MYO3B: variants seen among roughly 807,000 people sequenced by gnomAD.
MYO3B encodes the protein myosin IIIB.
MYO3B carries 156 observed loss-of-function variants against 174.6 expected under a neutral mutation model. That is an observed-to-expected ratio of 0.89 (90% CI 0.78 to 1.02). The LOEUF (loss-of-function observed/expected upper bound fraction) is 1.02. Ranked by LOEUF, MYO3B falls within the 50% of genes least tolerant of loss-of-function variation. The pLI, the probability that MYO3B is intolerant of heterozygous loss-of-function variation, is 0.00. For missense variants in MYO3B, 1,632 were observed against 1,639.4 expected, an observed-to-expected ratio of 1.00 and a Z score of 0.08; for synonymous variants, 563 against 569.1, an observed-to-expected ratio of 0.99 and a Z score of 0.15.
chr2:170,483,949 T>C (rs1225190257), intron 25 of MYO3B, among the ~76,000 whole-genome samples: 2 of 152,186 alleles, frequency 1.3e-5, no homozygotes, highest in East Asian at 1.9e-4. Flanking sequence ...AGCTGAGCAG[T>C]TGTCCTCTTA....
At chr2:170,357,419 C>T (rs1222343958) in intron 8 of MYO3B, among the ~76,000 whole-genome samples, 1 of 148,396 alleles carries the variant, frequency 6.7e-6, no homozygotes, top group South Asian at 2.1e-4. Context: ...TAACTGACTA[C>T]ATTTTATCTT....
Position 170,369,276 on chromosome 2 carries a change from C to G in MYO3B, c.870C>G (p.His290Gln). The G allele has an allele frequency of 6.2e-7, 1 of 1,613,602 alleles. No individual in the cohort carries two copies. The highest frequency in any genetic ancestry group is 8.5e-7 in the Non-Finnish European group (1 of 1,179,692). ...RRPSVTHLLD[H>Q]PFIKGVHGKV... ...CTTCCGTCACACATCTCCTTGACCACCCATTTATTAAAGGAGTACATGGAA... is the reference window on the plus strand; with the variant it reads ...CTTCCGTCACACATCTCCTTGACCAGCCATTTATTAAAGGAGTACATGGAA... Residue 290 changes from histidine to glutamine, a missense_variant, in exon 9 of 35, where the codon CAC becomes CAG. Physicochemically the swap from His to Gln is conservative, Grantham distance 24 (BLOSUM62 0). Coordinates refer to ENST00000408978, the MANE Select transcript of MYO3B (RefSeq NM_138995.5).
chr2:170,196,325 G>A (rs1305624813), intron 1 of MYO3B, among the ~76,000 whole-genome samples: 2 of 152,096 alleles, frequency 1.3e-5, no homozygotes, highest in African/African-American at 2.4e-5. Context: ...TGGGCAACAC[G>A]GCAAGACCCT....
chr2:170,306,583 G>A (rs773188245), intron 7 of MYO3B, among the ~76,000 whole-genome samples: 6 of 152,178 alleles, frequency 3.9e-5, no homozygotes, highest in South Asian at 4.1e-4. Flanking sequence ...TTGACTGACC[G>A]TTAGTCTGAC....
At chr2:170,397,915 T>C (rs539174586) in intron 16 of MYO3B, among the ~76,000 whole-genome samples, 1 of 152,312 alleles carries the variant, frequency 6.6e-6, no homozygotes, top group East Asian at 1.9e-4. Context: ...TTACCATTAC[T>C]GTTTTATTAT....
intron 32 of MYO3B, among the ~76,000 whole-genome samples, chr2:170,606,316 A>G (rs768035453): frequency 2.6e-5 from 4 of 151,984 alleles, no homozygotes; most frequent in Non-Finnish European, 5.9e-5. Context: ...TCCTCACTAC[A>G]TTCTAGCTAC....
chr2:170,274,510 G>A (rs997714894), intron 7 of MYO3B, among the ~76,000 whole-genome samples: 2 of 152,104 alleles, frequency 1.3e-5, no homozygotes, highest in African/African-American at 2.4e-5. Context: ...GGTAAATATT[G>A]GATGAGTGAA....
intron 14 of MYO3B, 47 bp from the exon 15 acceptor site, chr2:170,391,473 A>T (rs752088214): frequency 1.3e-5 from 12 of 910,528 alleles, no homozygotes; most frequent in Non-Finnish European, 2.0e-5. Flanking sequence ...AATACTTGGG[A>T]TGGGGAAGCC....
intron 22 of MYO3B, among the ~76,000 whole-genome samples, chr2:170,417,300 A>T (rs1031810178): frequency 1.3e-5 from 2 of 152,070 alleles, no homozygotes; most frequent in African/African-American, 4.8e-5. Context: ...CCCCCACTCC[A>T]TGCTAGCCTG....
At chr2:170,320,093 G>A (rs2093813391) in intron 7 of MYO3B, among the ~76,000 whole-genome samples, 1 of 152,158 alleles carries the variant, frequency 6.6e-6, no homozygotes, top group Non-Finnish European at 1.5e-5. Context: ...CACAGGAAAC[G>A]GCATAGATGT....
At chr2:170,290,134 T>C (rs531536957) in intron 7 of MYO3B, among the ~76,000 whole-genome samples, 6 of 152,242 alleles carry the variant, frequency 3.9e-5, no homozygotes, top group African/African-American at 1.4e-4. Flanking sequence ...CTGTGATTCA[T>C]TCTGGAAAAT....
rs149796548 is a variant in MYO3B, at chr2:170,459,929, G to C, written c.2731-3439G>C. The stretch of plus-strand genomic sequence containing the variant: ...GGCCAGCCGCTTCCAGTGCAGGGCC[G>C]ACTGAGCCTGCCCCCACCCGGAACT... On this transcript the variant is annotated intron_variant, in intron 23 of 34. Coordinates refer to ENST00000408978, the MANE Select transcript of MYO3B (RefSeq NM_138995.5). 4.2e-3 allele frequency among the ~76,000 whole-genome samples: 645 copies of C among 152,176 alleles called. 4 individuals carry two copies. The highest frequency in any genetic ancestry group is 0.015 in the African/African-American group (630 of 41,510).
At chr2:170,546,766 A>G (rs901826716) in intron 32 of MYO3B, among the ~76,000 whole-genome samples, 1 of 152,204 alleles carries the variant, frequency 6.6e-6, no homozygotes, top group Non-Finnish European at 1.5e-5. Flanking sequence ...TAAATGACCC[A>G]TTATTTTAAC....
rs112072995 is a variant in MYO3B at position 170,266,691 on chromosome 2, C to T, written c.749+30555C>T. On this transcript the variant is annotated intron_variant, in intron 7 of 34. Coordinates refer to ENST00000408978, the MANE Select transcript of MYO3B (RefSeq NM_138995.5). ...TAGTGAGTTCATACCTCTTAGTTCA[C>T]GACAGATTCTCATCTGTGGGGTCAA... Among the ~76,000 whole-genome samples, 388 of 152,280 alleles carry T rather than the reference C, an allele frequency of 2.5e-3. 1 individual carries two copies. Among genetic ancestry groups the T allele is most frequent in the African/African-American group, 8.0e-3 (333 of 41,548 alleles).
chr2:170,425,798 T>G (rs1257694575), intron 22 of MYO3B, among the ~76,000 whole-genome samples: 1 of 152,192 alleles, frequency 6.6e-6, no homozygotes, highest in Non-Finnish European at 1.5e-5. Flanking sequence ...AATTGGAGCA[T>G]CTTGATAGGT....
chr2:170,340,729 A>G (rs923169361), intron 8 of MYO3B: 6 of 152,158 alleles, frequency 3.9e-5, no homozygotes, highest in Non-Finnish European at 7.3e-5. Flanking sequence ...TCTGTGTAAC[A>G]TTTCTTCCTT....
Position 170,515,909 on chromosome 2 carries a change from G to A in MYO3B, c.3472+887G>A, listed in dbSNP as rs1559075163. On this transcript the variant is annotated intron_variant, in intron 29 of 34. Transcript: ENST00000408978. ...AGTAGGAGAAAAAGAGAAGTAGCAG[G>A]ATCCAGGAGAACATCAGTGTTTCTT... 2.0e-5 allele frequency among the ~76,000 whole-genome samples: 3 copies of A among 152,222 alleles called. No homozygotes were observed. The South Asian group carries it at 6.2e-4, about 32-fold the overall frequency.
chr2:170,431,298 G>A (rs1328373206), intron 22 of MYO3B, among the ~76,000 whole-genome samples: 1 of 152,126 alleles, frequency 6.6e-6, no homozygotes, highest in Non-Finnish European at 1.5e-5. Context: ...CTGACCTACT[G>A]CCGACGTGGC....
chr2:170,190,128 A>C (rs59459014), intron 1 of MYO3B, among the ~76,000 whole-genome samples: 8,767 of 152,146 alleles, frequency 0.058, 613 homozygotes, highest in East Asian at 0.3. Context: ...CTTAGATAAG[A>C]TCTGGAGGAA....
Sources: gnomAD v4.1 joint callset for allele counts (sites outside exome capture counted in the v4.1 genomes callset) on GRCh38, gnomAD v4.1.1 for gene constraint, MANE v1.5 for transcripts, NCBI Gene and HGNC (gene_info 2026-07-23, HGNC 2026-07-21) for gene names.